EPHB6: variants seen among roughly 807,000 people sequenced by gnomAD.
The protein encoded by EPHB6 is EPH receptor B6.
In EPHB6, 51 loss-of-function variants were observed where a neutral mutation model predicts 107.0. That is an observed-to-expected ratio of 0.48 (90% CI 0.38 to 0.60). The LOEUF (loss-of-function observed/expected upper bound fraction) is 0.60. Ranked by LOEUF, EPHB6 falls within the 20% of genes least tolerant of loss-of-function variation. EPHB6 has a pLI of 0.00. For synonymous variants in EPHB6, 553 were observed against 549.0 expected (o/e 1.01, Z -0.10); for missense variants, 1,141 against 1,355.5 (o/e 0.84, Z 2.48).
In EPHB6 at chr7:142,867,752, C is replaced by T; in HGVS notation, c.1865+30C>T. The T allele has an allele frequency of 1.3e-6, 2 of 1,576,776 alleles. No individual in the cohort carries two copies. Among genetic ancestry groups the T allele is most frequent in the South Asian group, 2.3e-5 (2 of 87,520 alleles). On this transcript the variant is annotated intron_variant, in intron 12 of 19. Coordinates refer to ENST00000652003, the MANE Select transcript of EPHB6 (RefSeq NM_004445.6). The surrounding 1 kb of genome is among the most constrained non-coding windows in gnomAD (Gnocchi z 5.3). ...GTCCCCACCCCTGCCCAACTCTGCC[C>T]AGCACCATTAACTCCACAGCCAAAC...
At position 142,866,501 on chromosome 7, in the gene EPHB6, G is replaced by A. The variant is rs1794608549; in HGVS notation, c.1483G>A (p.Val495Met). The A allele has an allele frequency of 6.2e-7, 1 of 1,614,092 alleles. No individual in the cohort carries two copies. The highest frequency in any genetic ancestry group is 8.5e-7 in the Non-Finnish European group (1 of 1,180,016). ...TCTAGTGCCCTCTGCTGTCCCTGTG[G>A]TGCACCAGGTGAGCCGGGCATCCAA... ...SHEVPSAVPV[V>M]HQVSRASNSI... The change falls in exon 10 of 20, where the codon GTG becomes ATG. Residue 495 changes from valine (V) to methionine (M), a missense_variant. Val to Met is a conservative substitution (Grantham distance 21). Coordinates refer to ENST00000652003, the MANE Select transcript of EPHB6 (RefSeq NM_004445.6). The surrounding 1 kb of genome is among the most constrained non-coding windows in gnomAD (Gnocchi z 5.2).
In EPHB6 at chr7:142,868,042, C is replaced by G; in HGVS notation, c.1911C>G (p.Ser637Arg). Reference sequence around the variant, plus strand: ...ACACAGAGCAGCTGCAGCAATACAGCAGCCCAGGTGGGGATGAGGAGAGGA... The same window carrying G: ...ACACAGAGCAGCTGCAGCAATACAGGAGCCCAGGTGGGGATGAGGAGAGGA... ...TGYTEQLQQY[S>R]SPGLGVKYYI... The change falls in exon 13 of 20, where the codon AGC (serine) becomes AGG (arginine). Residue 637 changes from serine to arginine, a missense_variant. By Grantham distance (110) the Ser-to-Arg change is moderately radical. Around this residue, in one of 3 missense-constraint regions of EPHB6, gnomAD observed 616 missense variants for 759.3 expected, o/e 0.81. Coordinates refer to ENST00000652003, the MANE Select transcript of EPHB6 (RefSeq NM_004445.6). This position sits in a 1 kb window ranked among gnomAD's most constrained non-coding sequence, Gnocchi z 4.2. The G allele has an allele frequency of 6.3e-7, 1 of 1,598,694 alleles. No individual in the cohort carries two copies. The highest frequency in any genetic ancestry group is 8.5e-7 in the Non-Finnish European group (1 of 1,172,576).
At position 142,869,723 on chromosome 7, in the gene EPHB6, TA is replaced by T; in HGVS notation, c.2461-90del. On this transcript the variant is annotated intron_variant, in intron 16 of 19. Coordinates refer to ENST00000652003, the MANE Select transcript of EPHB6 (RefSeq NM_004445.6). The surrounding 1 kb of genome is among the most constrained non-coding windows in gnomAD (Gnocchi z 4.5). The stretch of plus-strand genomic sequence containing the variant: ...TGAGGATTAAATGAGATGCTTGATG[TA>T]AAACCCTTGGCATATCTGAGCACAT... 5 of 1,432,364 alleles carry T rather than the reference TA, an allele frequency of 3.5e-6. No individual in the cohort carries two copies. Among genetic ancestry groups the T allele is most frequent in the Non-Finnish European group, 4.8e-6 (5 of 1,033,554 alleles). The allele number at this position is 1,432,364 out of a possible 1,614,324, so 88.7% of individuals were successfully genotyped here.
Position 142,871,088 on chromosome 7 carries a change from T to C in EPHB6, c.*184T>C, listed in dbSNP as rs372111351. On this transcript the variant is annotated 3_prime_UTR_variant, in exon 20 of 20. Transcript: ENST00000652003. ...TCCTCATTAAAGGGAAAGAAGGGAA[T>C]TTGCAGGTTTGGTGTGGTGAGGCCT... The C allele has an allele frequency of 2.9e-6, 2 of 692,656 alleles. No homozygotes were observed. Among genetic ancestry groups the C allele is most frequent in the East Asian group, 2.7e-5 (1 of 36,970 alleles). 42.9% of individuals were successfully genotyped at this position (692,656 alleles called of 1,614,324 possible). A position where few individuals can be genotyped will look rare whatever the true frequency, so the allele number is the denominator to read the frequency against.
intron 1 of EPHB6, among the ~76,000 whole-genome samples, chr7:142,860,375 C>T (rs8177123): frequency 0.13 from 19,986 of 152,216 alleles, 3,487 homozygotes; most frequent in African/African-American, 0.4. Flanking sequence ...GACTCCGTGA[C>T]TCTGGTTTGC....
Position 142,866,015 on chromosome 7 carries a change from G to T in EPHB6, c.1161G>T (p.Met387Ile), listed in dbSNP as rs752265529. ...TTGAGGTGCAAGGCTCAGCACTCAT[G>T]CTACACTGGCGCCTGCCTCGGGAGC... is the stretch of plus-strand genomic sequence containing the variant. Reference protein sequence around the residue: ...LWFEVQGSALMLHWRLPRELG... With the variant: ...LWFEVQGSALILHWRLPRELG... The change falls in exon 9 of 20, where the codon ATG becomes ATT. Residue 387 changes from methionine to isoleucine, a missense_variant. Coordinates refer to ENST00000652003, the MANE Select transcript of EPHB6 (RefSeq NM_004445.6). The surrounding 1 kb of genome is among the most constrained non-coding windows in gnomAD (Gnocchi z 5.2). 6.2e-7 allele frequency: 1 copy of T among 1,613,950 alleles called. No homozygotes were observed. The highest frequency in any genetic ancestry group is 8.5e-7 in the Non-Finnish European group (1 of 1,179,994).
rs745842622 is a variant in EPHB6, at chr7:142,864,161, G to T, written c.361G>T (p.Gly121Cys). ...VRACSSLGVS[G>C]GTCRETFTLY... Reference sequence around the variant, plus strand: ...GGCATGCTCCAGCCTGGGTGTGAGCGGCGGCACCTGCCGGGAGACCTTCAC... The same window carrying T: ...GGCATGCTCCAGCCTGGGTGTGAGCTGCGGCACCTGCCGGGAGACCTTCAC... Residue 121 changes from glycine to cysteine, a missense_variant, in exon 7 of 20, where the codon GGC becomes TGC. Around this residue, in one of 3 missense-constraint regions of EPHB6, gnomAD observed 221 missense variants for 300.5 expected, o/e 0.74. Coordinates refer to ENST00000652003, the MANE Select transcript of EPHB6 (RefSeq NM_004445.6). 6.2e-7 allele frequency: 1 copy of T among 1,613,932 alleles called. No homozygotes were observed. Among genetic ancestry groups the T allele is most frequent in the Non-Finnish European group, 8.5e-7 (1 of 1,180,048 alleles).
At chr7:142,864,849 G>A in intron 7 of EPHB6, 100 bp downstream of exon 7, 1 of 1,453,258 alleles carries the variant, frequency 6.9e-7, no homozygotes, top group South Asian at 1.2e-5. Context: ...ATCTGCAAAA[G>A]GTCAGGAATA....
chr7:142,865,538 G>T lies in EPHB6; in HGVS notation c.1013G>T (p.Arg338Leu), dbSNP rs750830863. 2.5e-6 allele frequency: 4 copies of T among 1,613,222 alleles called. No individual in the cohort carries two copies. Among genetic ancestry groups the T allele is most frequent in the Middle Eastern group, 1.7e-4 (1 of 6,060 alleles). The change falls in exon 8 of 20, where the codon CGC becomes CTC. Residue 338 changes from arginine (R) to leucine (L), a missense_variant. Physicochemically the swap from Arg to Leu is moderately radical, Grantham distance 102. Around this residue, in one of 3 missense-constraint regions of EPHB6, gnomAD observed 304 missense variants for 295.7 expected, o/e 1.03. Transcript: ENST00000652003. The stretch of plus-strand genomic sequence containing the variant: ...GCTCCCTGCTCACCATGCCCTGCCC[G>T]CAGTCACGCTCCCAACCCAGCAGCC... ...GNAPCSPCPA[R>L]SHAPNPAAPV...
In EPHB6 at chr7:142,867,930, G is replaced by T; in HGVS notation, c.1866-67G>T. ...AGACCGACTAAAGAGCAGTCTGGAG[G>T]GTGACAAGGGGGCAGCAAGGGGGTG... On this transcript the variant is annotated intron_variant, in intron 12 of 19. Coordinates refer to ENST00000652003, the MANE Select transcript of EPHB6 (RefSeq NM_004445.6). This position sits in a 1 kb window ranked among gnomAD's most constrained non-coding sequence, Gnocchi z 5.3. 1.9e-6 allele frequency: 3 copies of T among 1,546,842 alleles called. No homozygotes were observed. The Admixed American group carries it at 5.9e-5, about 30-fold the overall frequency.
At chr7:142,861,525 A>T (rs1802839521) in intron 2 of EPHB6, among the ~76,000 whole-genome samples, 1 of 152,204 alleles carries the variant, frequency 6.6e-6, no homozygotes, top group African/African-American at 2.4e-5. Context: ...ATGCTCTTCC[A>T]TAGATATCCT....
intron 1 of EPHB6, among the ~76,000 whole-genome samples, chr7:142,856,167 CAGGGGAACTTGACTGAGGCTCTAGG>C (rs1316488214): frequency 3.3e-5 from 5 of 152,296 alleles, no homozygotes; most frequent in African/African-American, 1.2e-4. Context: ...CTCCGCCCGC[CAGGGGAACTTGACTGAGGCTCTAGG>C]AGGGGAGATG....
chr7:142,863,389 G>T, intron 5 of EPHB6, 62 bp downstream of exon 5: 1 of 1,515,190 alleles, frequency 6.6e-7, no homozygotes, highest in Non-Finnish European at 9.2e-7. Context: ...AAAGGGGGAA[G>T]TGGGAAAGAT....
intron 1 of EPHB6, among the ~76,000 whole-genome samples, chr7:142,856,665 C>T (rs8177110): frequency 0.051 from 7,694 of 152,082 alleles, 654 homozygotes; most frequent in African/African-American, 0.17. Context: ...CCTTTCTTTA[C>T]CCACTCCTCC....
In EPHB6 at chr7:142,865,591, T is replaced by C; in HGVS notation, c.1066T>C (p.Tyr356His). 6.2e-7 allele frequency: 1 copy of C among 1,613,836 alleles called. No individual in the cohort carries two copies. Among genetic ancestry groups the C allele is most frequent in the Non-Finnish European group, 8.5e-7 (1 of 1,180,014 alleles). ...CGTTTGCCCCTGCCTGGAGGGCTTC[T>C]ACCGGGCCAGTTCCGACCCACCAGA... ...APVCPCLEGFYRASSDPPEAP... is the reference protein window; with the variant it reads ...APVCPCLEGFHRASSDPPEAP... The change falls in exon 8 of 20, where the codon TAC (tyrosine) becomes CAC (histidine). Residue 356 changes from tyrosine to histidine, a missense_variant. Physicochemically the swap from Tyr to His is moderately conservative, Grantham distance 83 (BLOSUM62 2). This residue lies in a region of EPHB6 where 304 missense variants were observed against 295.7 expected (regional missense o/e 1.03). Transcript: ENST00000652003.
In EPHB6 at chr7:142,864,560, G is replaced by C. The variant is rs767219551; in HGVS notation, c.760G>C (p.Ala254Pro). 1 of 1,613,200 alleles carries C rather than the reference G, an allele frequency of 6.2e-7. No individual in the cohort carries two copies. Among genetic ancestry groups the C allele is most frequent in the East Asian group, 2.2e-5 (1 of 44,862 alleles). Residue 254 changes from alanine to proline, a missense_variant, in exon 7 of 20, where the codon GCC becomes CCC. Ala to Pro is a conservative substitution (Grantham distance 27). Transcript: ENST00000652003. ...PETQASGAGGASLVAAVGTCV... is the reference protein window; with the variant it reads ...PETQASGAGGPSLVAAVGTCV... ...GACGCAGGCCAGTGGGGCTGGGGGG[G>C]CCTCCCTGGTGGCAGCTGTGGGCAC...
Position 142,864,506 on chromosome 7 carries a change from G to A in EPHB6, c.706G>A (p.Val236Met), listed in dbSNP as rs377242493. ...GCTCTTCTCCTACACCTGCCCTGCC[G>A]TGCTCCGATCCTTTGCTTCCTTTCC... ...VRLFSYTCPA[V>M]LRSFASFPET... is the part of the protein sequence containing the mutation. The change falls in exon 7 of 20, where the codon GTG (valine) becomes ATG (methionine). Residue 236 changes from valine to methionine, a missense_variant. By Grantham distance (21) the Val-to-Met change is conservative. This residue lies in a region of EPHB6 where 304 missense variants were observed against 295.7 expected (regional missense o/e 1.03). Transcript: ENST00000652003. The A allele has an allele frequency of 4.1e-5, 66 of 1,613,474 alleles. No homozygotes were observed. The highest frequency in any genetic ancestry group is 3.2e-4 in the African/African-American group (24 of 75,060).
chr7:142,863,482 G>C, intron 5 of EPHB6, 149 bp from the exon 6 acceptor site: 1 of 1,224,304 alleles, frequency 8.2e-7, no homozygotes, highest in South Asian at 1.2e-5. Context: ...AGATTTGTCA[G>C]AGAAAGGACC....
Position 142,866,440 on chromosome 7 carries a change from G to A in EPHB6, c.1463-41G>A. On this transcript the variant is annotated intron_variant, in intron 9 of 19. Transcript: ENST00000652003. This position sits in a 1 kb window ranked among gnomAD's most constrained non-coding sequence, Gnocchi z 5.2. Reference sequence around the variant, plus strand: ...CCCCTCAAGGCTGATCCTGCTCCCAGGGACTCCTATCCCCATAATAATTTT... The same window carrying A: ...CCCCTCAAGGCTGATCCTGCTCCCAAGGACTCCTATCCCCATAATAATTTT... 1 of 1,613,484 alleles carries A rather than the reference G, an allele frequency of 6.2e-7. No homozygotes were observed.
Sources: allele counts gnomAD v4.1 joint callset (sites outside exome capture counted in the v4.1 genomes callset), GRCh38; gene constraint gnomAD v4.1.1; regional missense constraint gnomAD v4.1.1; non-coding constraint Gnocchi (gnomAD v3.1); transcripts MANE v1.5; gene names NCBI Gene and HGNC (gene_info 2026-07-23, HGNC 2026-07-21).